The following B4GALNT3 variants were observed in gnomAD, a reference collection of about 807,000 sequenced individuals.
The protein encoded by B4GALNT3 is beta-1,4-N-acetylgalactosaminyltransferase 3.
In B4GALNT3, 86 loss-of-function variants were observed where a neutral mutation model predicts 120.2. The observed-to-expected ratio is 0.72, with a 90% CI of 0.60 to 0.86. The LOEUF (loss-of-function observed/expected upper bound fraction) is 0.86. Among genes scored for constraint, B4GALNT3 ranks in the 40% least tolerant of loss-of-function variants. B4GALNT3 has a pLI of 0.00. For missense variants in B4GALNT3, 1,167 were observed against 1,298.9 expected, an observed-to-expected ratio of 0.90 and a Z score of 1.56; for synonymous variants, 518 against 510.4, an observed-to-expected ratio of 1.01 and a Z score of -0.20.
chr12:510,409 G>A (rs1946535167), intron 1 of B4GALNT3, among the ~76,000 whole-genome samples: 1 of 149,568 alleles, frequency 6.7e-6, no homozygotes, highest in Non-Finnish European at 1.5e-5. Context: ...CAGCTCCCCC[G>A]ATCCTCTTCC....
At chr12:475,080 C>A (rs1231898230) in intron 1 of B4GALNT3, among the ~76,000 whole-genome samples, 1 of 151,990 alleles carries the variant, frequency 6.6e-6, no homozygotes, top group Non-Finnish European at 1.5e-5. Flanking sequence ...CACCGCTGTA[C>A]TCCAGCCTGG....
At position 553,842 on chromosome 12, in the gene B4GALNT3, C is replaced by G. The variant is rs1363300833; in HGVS notation, c.1919C>G (p.Ala640Gly). The G allele has an allele frequency of 1.2e-6, 2 of 1,614,202 alleles. No individual in the cohort carries two copies. Among genetic ancestry groups the G allele is most frequent in the South Asian group, 2.2e-5 (2 of 91,082 alleles). The change falls in exon 14 of 20, where the codon GCC becomes GGC. Residue 640 changes from alanine (A) to glycine (G), a missense_variant. Around this residue, in one of 3 missense-constraint regions of B4GALNT3, gnomAD observed 983 missense variants for 1,102.5 expected, o/e 0.89. Coordinates refer to ENST00000266383, the MANE Select transcript of B4GALNT3 (RefSeq NM_173593.4). ...GTAAACTGGGACCAGACCTTCAGTG[C>G]CCGGAATCTCGACTTCCAAGCCCTG... ...PVVNWDQTFS[A>G]RNLDFQALRT... is the part of the protein sequence containing the mutation.
chr12:499,004 T>C (rs1946415356), intron 1 of B4GALNT3, among the ~76,000 whole-genome samples: 1 of 152,198 alleles, frequency 6.6e-6, no homozygotes, highest in Non-Finnish European at 1.5e-5. Context: ...GACAGGATAA[T>C]GGAGCTTTGG....
intron 3 of B4GALNT3, among the ~76,000 whole-genome samples, chr12:538,932 A>T (rs369506984): frequency 5.3e-5 from 8 of 152,128 alleles, no homozygotes; most frequent in East Asian, 1.9e-4. Context: ...AGCATCTACT[A>T]CTGTCCGGGA....
intron 1 of B4GALNT3, 130 bp from the exon 2 acceptor site, chr12:535,036 T>A: frequency 2.4e-5 from 16 of 676,222 alleles, no homozygotes; most frequent in Middle Eastern, 2.7e-4. Context: ...AGCCCAGCCC[T>A]CTTCCCACCC....
chr12:506,803 A>ATT (rs1272621868), intron 1 of B4GALNT3, among the ~76,000 whole-genome samples: 1 of 151,994 alleles, frequency 6.6e-6, no homozygotes, highest in Non-Finnish European at 1.5e-5. Context: ...CGCCCGGCTA[A>ATT]TTTTTTGTAT....
chr12:560,322 C>T (rs1947214318), intron 19 of B4GALNT3, among the ~76,000 whole-genome samples: 1 of 152,204 alleles, frequency 6.6e-6, no homozygotes, highest in Non-Finnish European at 1.5e-5. Flanking sequence ...GGACAAAATG[C>T]ATCCACCAGT....
chr12:547,229 G>C (rs1947019930), intron 7 of B4GALNT3, among the ~76,000 whole-genome samples: 1 of 152,226 alleles, frequency 6.6e-6, no homozygotes, highest in Non-Finnish European at 1.5e-5. Flanking sequence ...GAGAGGTGGG[G>C]TGCAGACACA....
chr12:512,655 A>C (rs1336837988), intron 1 of B4GALNT3, among the ~76,000 whole-genome samples: 1 of 49,106 alleles, frequency 2.0e-5, no homozygotes, highest in Non-Finnish European at 4.0e-5. Flanking sequence ...TCCACCTTCC[A>C]CCTTCTTCCA....
chr12:557,669 C>T lies in B4GALNT3; in HGVS notation c.2442C>T (p.Val814=), dbSNP rs769653789. Residue 814 remains valine (V), a synonymous_variant, in exon 16 of 20, where the codon GTC becomes GTT. Transcript: ENST00000266383. ...AAGACATGGAAAACCTGTTCCAGGT[C>T]ACCGGTGACCCACACTTCAACATCG... ...FIKDMENLFQ[V]TGDPHFNIVI... 4.3e-6 allele frequency: 7 copies of T among 1,610,536 alleles called. No homozygotes were observed. Among genetic ancestry groups the T allele is most frequent in the Admixed American group, 1.7e-5 (1 of 59,210 alleles).
intron 1 of B4GALNT3, among the ~76,000 whole-genome samples, chr12:464,156 T>G (rs73046031): frequency 0.18 from 27,991 of 152,180 alleles, 3,001 homozygotes; most frequent in Admixed American, 0.3. Flanking sequence ...TACTAACACA[T>G]GCTTAAGGAT....
At chr12:472,310 T>C (rs1015653080) in intron 1 of B4GALNT3, among the ~76,000 whole-genome samples, 135 of 152,234 alleles carry the variant, frequency 8.9e-4, no homozygotes, top group African/African-American at 3.2e-3. Context: ...AGACAGTGTC[T>C]CAGTCTGTTG....
chr12:560,529 C>T (rs1046153393), intron 19 of B4GALNT3, among the ~76,000 whole-genome samples: 1 of 152,172 alleles, frequency 6.6e-6, no homozygotes, highest in East Asian at 1.9e-4. Flanking sequence ...GGTGTTTTTT[C>T]CCGTTGAGGG....
chr12:467,986 A>G (rs1946098320), intron 1 of B4GALNT3, among the ~76,000 whole-genome samples: 1 of 152,218 alleles, frequency 6.6e-6, no homozygotes, highest in South Asian at 2.1e-4. Context: ...ACCTGGAGAA[A>G]AGTGTAAAGG....
Position 556,839 on chromosome 12 carries a change from C to T in B4GALNT3, c.2353C>T (p.Arg785Ter), listed in dbSNP as rs773816653. 9.3e-6 allele frequency: 15 copies of T among 1,607,018 alleles called. No homozygotes were observed. Among genetic ancestry groups the T allele is most frequent in the Middle Eastern group, 1.7e-4 (1 of 6,060 alleles). ...CWPQGFSWSH[R>*]AVVHFVVPVK... The stretch of plus-strand genomic sequence containing the variant: ...GCCTCAGGGTTTCTCCTGGAGTCAC[C>T]GAGCCGTGGTCCACTTCGTCGTGCC... Residue 785 changes from arginine (R) to a stop codon, truncating the protein, a stop_gained, in exon 15 of 20, where the codon CGA becomes TGA. Transcript: ENST00000266383. LOFTEE classifies it high-confidence loss of function.
In B4GALNT3 at chr12:561,785, C is replaced by T; in HGVS notation, c.*334C>T. On this transcript the variant is annotated 3_prime_UTR_variant, in exon 20 of 20. Coordinates refer to ENST00000266383, the MANE Select transcript of B4GALNT3 (RefSeq NM_173593.4). ...CATCCTCATCCATGAAGGTGCACGC[C>T]CACATCCCCCAAGCGCTCCTCACGC... The T allele has an allele frequency of 4.2e-6, 1 of 237,522 alleles. No individual in the cohort carries two copies. Among genetic ancestry groups the T allele is most frequent in the Non-Finnish European group, 8.3e-6 (1 of 120,412 alleles). 14.7% of individuals were successfully genotyped at this position (237,522 alleles called of 1,614,324 possible).
rs748491154 is a variant in B4GALNT3 at position 536,243 on chromosome 12, G to C, written c.299G>C (p.Ser100Thr). The C allele has an allele frequency of 1.2e-6, 2 of 1,614,032 alleles. No individual in the cohort carries two copies. The highest frequency in any genetic ancestry group is 3.3e-5 in the Admixed American group (2 of 59,998). ...GACCACGACATTGACCAAGGGGTGAGCAGTAACAGCAGCTACTTGAAGTGG... is the reference window on the plus strand; with the variant it reads ...GACCACGACATTGACCAAGGGGTGACCAGTAACAGCAGCTACTTGAAGTGG... Reference protein sequence around the residue: ...LEDHDIDQGVSSNSSYLKWNK... With the variant: ...LEDHDIDQGVTSNSSYLKWNK... The change falls in exon 3 of 20, where the codon AGC becomes ACC. Residue 100 changes from serine to threonine, a missense_variant. Physicochemically the swap from Ser to Thr is moderately conservative, Grantham distance 58 (BLOSUM62 1). Around this residue, in one of 3 missense-constraint regions of B4GALNT3, gnomAD observed 171 missense variants for 161.3 expected, o/e 1.06. Coordinates refer to ENST00000266383, the MANE Select transcript of B4GALNT3 (RefSeq NM_173593.4).
chr12:511,513 T>TCCACCTTCCACCTTCCAC (rs1473382228), intron 1 of B4GALNT3, among the ~76,000 whole-genome samples: 1 of 84,792 alleles, frequency 1.2e-5, no homozygotes, highest in African/African-American at 5.1e-5. Flanking sequence ...CCTTCCACCT[T>TCCACCTTCCACCTTCCAC]CTTCCACCTT....
intron 1 of B4GALNT3, 26 bp from the exon 2 acceptor site, chr12:535,139 GA>G: frequency 6.3e-7 from 1 of 1,593,676 alleles, no homozygotes. Flanking sequence ...ACGCTGACCT[GA>G]GGGCTCCTCT....
Sources: gnomAD v4.1 joint callset for allele counts (sites outside exome capture counted in the v4.1 genomes callset) on GRCh38, gnomAD v4.1.1 for gene constraint, gnomAD v4.1.1 regional missense constraint, MANE v1.5 for transcripts, NCBI Gene and HGNC (gene_info 2026-07-23, HGNC 2026-07-21) for gene names.